STX5: variants seen among roughly 807,000 people sequenced by gnomAD.
STX5 encodes syntaxin 5.
A neutral mutation model predicts 42.9 loss-of-function variants in STX5; 15 were observed. That is an observed-to-expected ratio of 0.35 (90% CI 0.23 to 0.54). The LOEUF is 0.54. STX5 is among the 20% of genes least tolerant of loss of function. STX5 has a pLI of 0.91. For synonymous variants in STX5, 184 were observed against 173.2 expected, an observed-to-expected ratio of 1.06 and a Z score of -0.49; for missense variants, 430 against 455.0, an observed-to-expected ratio of 0.95 and a Z score of 0.50.
In STX5 at chr11:62,832,025, G is replaced by A. The variant is rs1172665876; in HGVS notation, c.-91C>T. On this transcript the variant is annotated 5_prime_UTR_variant, in exon 1 of 11. Transcript: ENST00000294179. Reference sequence around the variant, plus strand: ...CGTCACTGCCTCCTCCCCGAGCACTGAAGCCGCCGAAACCCGACCAAAGAC... The same window carrying A: ...CGTCACTGCCTCCTCCCCGAGCACTAAAGCCGCCGAAACCCGACCAAAGAC... 4.2e-6 allele frequency: 2 copies of A among 479,048 alleles called. No individual in the cohort carries two copies. Among genetic ancestry groups the A allele is most frequent in the Non-Finnish European group, 8.2e-6 (2 of 242,900 alleles). 29.7% of individuals were successfully genotyped at this position (479,048 alleles called of 1,614,324 possible). A position where few individuals can be genotyped will look rare whatever the true frequency, so the allele number is the denominator to read the frequency against.
rs1323355819 is a variant in STX5, at chr11:62,831,249, C to T, written c.-6G>A. 1.9e-6 allele frequency: 3 copies of T among 1,555,914 alleles called. No homozygotes were observed. The highest frequency in any genetic ancestry group is 2.6e-6 in the Non-Finnish European group (3 of 1,148,812). ...TAGCGTTTCCGCGGGATCATTGAGA[C>T]GCATAACCTCGGACTGTTGTGGAGG... On this transcript the variant is annotated 5_prime_UTR_variant, in exon 2 of 11. Transcript: ENST00000294179.
At chr11:62,827,107 A>C in intron 5 of STX5, 48 bp downstream of exon 5, 2 of 1,566,020 alleles carry the variant, frequency 1.3e-6, no homozygotes, top group Non-Finnish European at 1.8e-6. Flanking sequence ...AGGAAGACAG[A>C]AGTGATCTGA....
chr11:62,813,364 A>T (rs187621592), intron 10 of STX5, among the ~76,000 whole-genome samples: 38 of 152,308 alleles, frequency 2.5e-4, no homozygotes, highest in Non-Finnish European at 4.6e-4. Flanking sequence ...CTGGTGCTCA[A>T]CATATAGTAG....
intron 10 of STX5, among the ~76,000 whole-genome samples, chr11:62,810,460 A>C (rs1302545070): frequency 6.6e-6 from 1 of 152,148 alleles, no homozygotes; most frequent in Non-Finnish European, 1.5e-5. Flanking sequence ...AGAAAAAAAC[A>C]AATATGAAAA....
intron 8 of STX5, among the ~76,000 whole-genome samples, 191 bp downstream of exon 8, chr11:62,824,845 C>T (rs1431222186): frequency 6.6e-6 from 1 of 152,158 alleles, no homozygotes; most frequent in Non-Finnish European, 1.5e-5. Context: ...GAATTCACCC[C>T]AACAGTGAGA....
intron 10 of STX5, among the ~76,000 whole-genome samples, chr11:62,819,441 A>C (rs2084714552): frequency 6.6e-6 from 1 of 151,978 alleles, no homozygotes. Flanking sequence ...AGGAGGAATG[A>C]AGAACACTGA....
At chr11:62,828,319 C>T (rs989488060) in intron 2 of STX5, among the ~76,000 whole-genome samples, 2 of 152,080 alleles carry the variant, frequency 1.3e-5, no homozygotes, top group African/African-American at 2.4e-5. Context: ...TGCTATATTG[C>T]CCAGGCTGGT....
At chr11:62,809,408 C>T (rs539035544) in intron 10 of STX5, among the ~76,000 whole-genome samples, 1 of 151,712 alleles carries the variant, frequency 6.6e-6, no homozygotes, top group African/African-American at 2.4e-5. Flanking sequence ...GGCGTGGTGG[C>T]TCACACCTGT....
chr11:62,814,323 G>A (rs543927215), intron 10 of STX5, among the ~76,000 whole-genome samples: 36 of 152,120 alleles, frequency 2.4e-4, no homozygotes, highest in Admixed American at 2.2e-3. Context: ...GCACCACCAC[G>A]CCCTAATTTT....
At chr11:62,830,962 G>A (rs1275780664) in intron 2 of STX5, 57 bp downstream of exon 2, 2 of 1,457,758 alleles carry the variant, frequency 1.4e-6, no homozygotes. Context: ...GTGGAGCACA[G>A]TCCTTCCTAG....
At chr11:62,825,922 G>A (rs1478094723) in intron 5 of STX5, among the ~76,000 whole-genome samples, 1 of 152,196 alleles carries the variant, frequency 6.6e-6, no homozygotes, top group African/African-American at 2.4e-5. Context: ...AAAGGGAAGA[G>A]TCAAAGGCAC....
intron 10 of STX5, among the ~76,000 whole-genome samples, chr11:62,813,167 G>C (rs1283340932): frequency 6.6e-6 from 1 of 151,460 alleles, no homozygotes; most frequent in East Asian, 1.9e-4. Context: ...CCAGCTACTC[G>C]GGAGGCTGAG....
In STX5 at chr11:62,827,511, C is replaced by CTTTTCTTCAGACACTGTA. The variant is rs755008152; in HGVS notation, c.296+32_296+49dup. On this transcript the variant is annotated intron_variant, in intron 3 of 10. Coordinates refer to ENST00000294179, the MANE Select transcript of STX5 (RefSeq NM_003164.5). Reference sequence around the variant, plus strand: ...GCCAAGGCCACTGATTGCAAGTCTACTTTTCTTCAGACACTGTATCACCCC... The same window carrying CTTTTCTTCAGACACTGTA: ...GCCAAGGCCACTGATTGCAAGTCTACTTTTCTTCAGACACTGTATTTTCTTCAGACACTGTATCACCCC... 31 of 1,613,624 alleles carry CTTTTCTTCAGACACTGTA rather than the reference C, an allele frequency of 1.9e-5. No homozygotes were observed. In the Middle Eastern group the frequency reaches 1.3e-3, roughly 69 times the overall value.
chr11:62,813,018 A>G (rs1035450545), intron 10 of STX5, among the ~76,000 whole-genome samples: 1 of 151,438 alleles, frequency 6.6e-6, no homozygotes, highest in Non-Finnish European at 1.5e-5. Flanking sequence ...AGGCTGAGGC[A>G]GAAGAATCAT....
At chr11:62,825,628 C>A in intron 5 of STX5, 89 bp from the exon 6 acceptor site, 1 of 1,206,760 alleles carries the variant, frequency 8.3e-7, no homozygotes, top group South Asian at 1.3e-5. Context: ...GTAGGAAGGA[C>A]AAGGTGGAAG....
intron 10 of STX5, among the ~76,000 whole-genome samples, chr11:62,815,547 T>A (rs980899405): frequency 2.6e-5 from 4 of 151,188 alleles, no homozygotes; most frequent in Admixed American, 6.6e-5. Flanking sequence ...TTTTTTTTTT[T>A]ATTTTTTGAG....
At chr11:62,814,942 G>A (rs1030911125) in intron 10 of STX5, among the ~76,000 whole-genome samples, 5 of 152,052 alleles carry the variant, frequency 3.3e-5, no homozygotes, top group South Asian at 2.1e-4. Context: ...GGACAACTGG[G>A]AAAATGTAAA....
chr11:62,810,884 C>T (rs941841431), intron 10 of STX5, among the ~76,000 whole-genome samples: 1 of 152,208 alleles, frequency 6.6e-6, no homozygotes, highest in African/African-American at 2.4e-5. Context: ...TATGCTCCAA[C>T]ATACTGTAAA....
intron 10 of STX5, chr11:62,823,885 C>T: frequency 2.4e-6 from 1 of 420,820 alleles, no homozygotes; most frequent in Non-Finnish European, 4.4e-6. Flanking sequence ...TCCTCATCTG[C>T]CCTATCAAAT....
Sources: gnomAD v4.1 joint callset for allele counts (sites outside exome capture counted in the v4.1 genomes callset) on GRCh38, gnomAD v4.1.1 for gene constraint, MANE v1.5 for transcripts, NCBI Gene and HGNC (gene_info 2026-07-23, HGNC 2026-07-21) for gene names.